Variants in HOGA1 observed in about 807,000 individuals in gnomAD.
The protein encoded by HOGA1 is 4-hydroxy-2-oxoglutarate aldolase, mitochondrial.
Under a neutral mutation model 34.3 loss-of-function variants are expected in HOGA1, and 30 were observed. The observed-to-expected ratio is 0.87, with a 90% confidence interval of 0.65 to 1.19. The LOEUF is 1.19. Among genes scored for constraint, HOGA1 ranks in the 50% most tolerant of loss-of-function variants. The probability of loss-of-function intolerance (pLI) is 0.00; values close to 1 mark genes in which losing one functional copy is unlikely to be tolerated. For synonymous variants in HOGA1, 161 were observed against 174.0 expected (o/e 0.93, Z 0.59); for missense variants, 417 against 436.5 (o/e 0.96, Z 0.40).
intron 1 of HOGA1, among the ~76,000 whole-genome samples, chr10:97,591,834 T>TGTGTGTGC (rs752668058): frequency 0.012 from 1,759 of 147,714 alleles, 22 homozygotes; most frequent in Non-Finnish European, 0.02. Flanking sequence ...TGTGTGTGTG[T>TGTGTGTGC]GTGTGTGTGT....
chr10:97,596,708 C>CA (rs34186645), intron 1 of HOGA1, among the ~76,000 whole-genome samples: 10,752 of 89,228 alleles, frequency 0.12, 851 homozygotes, highest in African/African-American at 0.27. Context: ...AAATAACTAC[C>CA]AAAAAAAAAA....
In HOGA1 at chr10:97,599,709, G is replaced by A. The variant is rs781112795; in HGVS notation, c.498G>A (p.Val166=). Residue 166 remains valine, a synonymous_variant, in exon 4 of 7, where the codon GTG becomes GTA. Coordinates refer to ENST00000370646, the MANE Select transcript of HOGA1 (RefSeq NM_138413.4). ...CTGATCTCTCTCCAATCCCTGTGGT[G>A]CTGTACAGTGTCCCAGCCAACACAG... ...KVADLSPIPV[V]LYSVPANTGL... The A allele has an allele frequency of 9.3e-6, 15 of 1,614,142 alleles. No individual in the cohort carries two copies. The highest frequency in any genetic ancestry group is 1.3e-5 in the Non-Finnish European group (15 of 1,180,018).
intron 6 of HOGA1, chr10:97,602,460 G>A (rs2275048): frequency 2.0e-6 from 2 of 985,148 alleles, no homozygotes; most frequent in African/African-American, 3.5e-5. Context: ...CGGTTCTGTG[G>A]TCAGACTGTA....
chr10:97,599,228 G>C lies in HOGA1; in HGVS notation c.468+12G>C. ...ACCACTACACCAAGGTGTGTGTGAGGCCTGAGACCAAGAGGAGGCTCTGCC... is the reference window on the plus strand; with the variant it reads ...ACCACTACACCAAGGTGTGTGTGAGCCCTGAGACCAAGAGGAGGCTCTGCC... On this transcript the variant is annotated intron_variant, in intron 3 of 6. Transcript: ENST00000370646. 1 of 1,613,936 alleles carries C rather than the reference G, an allele frequency of 6.2e-7. No homozygotes were observed. Among genetic ancestry groups the C allele is most frequent in the Non-Finnish European group, 8.5e-7 (1 of 1,179,986 alleles).
chr10:97,591,136 C>T (rs1181539915), intron 1 of HOGA1, among the ~76,000 whole-genome samples: 1 of 152,092 alleles, frequency 6.6e-6, no homozygotes, highest in Non-Finnish European at 1.5e-5. Context: ...CGTCTCAACA[C>T]CCCCAATCTG....
At chr10:97,595,643 C>T (rs572385241) in intron 1 of HOGA1, among the ~76,000 whole-genome samples, 6 of 152,262 alleles carry the variant, frequency 3.9e-5, no homozygotes, top group Non-Finnish European at 5.9e-5. Flanking sequence ...TGCAGTGAGC[C>T]GAGGTCGCAC....
intron 6 of HOGA1, chr10:97,602,458 TG>T: frequency 2.0e-6 from 2 of 985,366 alleles, no homozygotes; most frequent in Non-Finnish European, 2.4e-6. Context: ...ATCGGTTCTG[TG>T]GTCAGACTGT....
chr10:97,599,239 A>G (rs551813153), intron 3 of HOGA1, 23 bp downstream of exon 3: 4 of 1,613,810 alleles, frequency 2.5e-6, no homozygotes, highest in Admixed American at 3.3e-5. Flanking sequence ...CCTGAGACCA[A>G]GAGGAGGCTC....
intron 6 of HOGA1, among the ~76,000 whole-genome samples, chr10:97,605,421 A>AG (rs1432925402): frequency 6.6e-6 from 1 of 151,650 alleles, no homozygotes; most frequent in East Asian, 1.9e-4. Flanking sequence ...AAAAAAAAAA[A>AG]ACAAAAAACC....
intron 1 of HOGA1, chr10:97,589,779 G>A: frequency 1.3e-6 from 1 of 743,612 alleles, no homozygotes. Context: ...AGATCACCCA[G>A]CGTGCTCTTA....
intron 6 of HOGA1, among the ~76,000 whole-genome samples, chr10:97,605,024 G>T (rs1210656077): frequency 1.3e-5 from 2 of 151,860 alleles, no homozygotes; most frequent in Admixed American, 6.6e-5. Context: ...TCATGAACAG[G>T]TTTTCGTGTG....
chr10:97,596,026 G>T (rs2041068580), intron 1 of HOGA1, among the ~76,000 whole-genome samples: 2 of 152,218 alleles, frequency 1.3e-5, no homozygotes, highest in African/African-American at 4.8e-5. Flanking sequence ...GGATTGAAAT[G>T]ATTTCACTGT....
chr10:97,590,330 A>G (rs1310678096), intron 1 of HOGA1: 3 of 1,613,936 alleles, frequency 1.9e-6, no homozygotes, highest in South Asian at 1.1e-5. Context: ...GGCTCACTCC[A>G]TGCTGCAGCG....
In HOGA1 at chr10:97,601,962, A is replaced by T; in HGVS notation, c.806A>T (p.Gln269Leu). The change falls in exon 6 of 7, where the codon CAG (glutamine) becomes CTG (leucine). Residue 269 changes from glutamine (Q) to leucine (L), a missense_variant. Physicochemically the swap from Gln to Leu is moderately radical, Grantham distance 113. Transcript: ENST00000370646. ...CAATGGGAAGATGCCCAGAAACTGC[A>T]GCACCGCCTCATTGAGCCAAACGCT... ...TGQWEDAQKLQHRLIEPNAAV... is the reference protein window; with the variant it reads ...TGQWEDAQKLLHRLIEPNAAV... The T allele has an allele frequency of 6.2e-7, 1 of 1,612,944 alleles. No homozygotes were observed. Among genetic ancestry groups the T allele is most frequent in the Non-Finnish European group, 8.5e-7 (1 of 1,179,758 alleles).
chr10:97,608,009 T>C lies in HOGA1; in HGVS notation c.835-3501T>C, dbSNP rs12415495. On this transcript the variant is annotated intron_variant, in intron 6 of 6. Transcript: ENST00000370646. ...TCCAAGTCTACTTCTAGAGAAAGAA[T>C]AACCGCTAAAAAGACACCAGCAGGG... Among the ~76,000 whole-genome samples the C allele has an allele frequency of 5.8e-3, 886 of 152,322 alleles. 15 individuals are homozygous for C. Among genetic ancestry groups the C allele is most frequent in the East Asian group, 0.055 (286 of 5,180 alleles).
rs185803104 is a variant in HOGA1 at position 97,600,168 on chromosome 10, G to T, written c.700+5G>T. 2.3e-3 allele frequency: 3,650 copies of T among 1,611,160 alleles called. 4 individuals carry two copies. Among genetic ancestry groups the T allele is most frequent in the Non-Finnish European group, 2.9e-3 (3,368 of 1,177,320 alleles). On this transcript the variant is annotated splice_donor_5th_base_variant and intron_variant, in intron 5 of 6. Coordinates refer to ENST00000370646, the MANE Select transcript of HOGA1 (RefSeq NM_138413.4). ...TGATGGCCAGCTATGCCTTGGGTAGGCCGCCCACTGCTCTCAAATTGTCAT... is the reference window on the plus strand; with the variant it reads ...TGATGGCCAGCTATGCCTTGGGTAGTCCGCCCACTGCTCTCAAATTGTCAT...
rs771334502 is a variant in HOGA1, at chr10:97,600,132, G to A, written c.669G>A (p.Ser223=). The A allele has an allele frequency of 3.1e-5, 50 of 1,613,976 alleles. No homozygotes were observed. Among genetic ancestry groups the A allele is most frequent in the Non-Finnish European group, 3.7e-5 (44 of 1,180,028 alleles). ...AGGATTTTCAGGTGTTGGCTGGATC[G>A]GCTGGCTTTCTGATGGCCAGCTATG... The part of the protein sequence containing the change: ...RKQDFQVLAG[S]AGFLMASYAL... The change falls in exon 5 of 7, where the codon TCG becomes TCA. Residue 223 remains serine (S), a synonymous_variant. Transcript: ENST00000370646.
chr10:97,589,848 C>T (rs1179910783), intron 1 of HOGA1: 2 of 1,437,280 alleles, frequency 1.4e-6, no homozygotes, highest in Admixed American at 1.8e-5. Context: ...CAGCAGCCAT[C>T]ATGCAAGGTG....
In HOGA1 at chr10:97,611,555, T is replaced by A. The variant is rs1177247687; in HGVS notation, c.880T>A (p.Trp294Arg). 3 of 1,614,104 alleles carry A rather than the reference T, an allele frequency of 1.9e-6. No individual in the cohort carries two copies. The highest frequency in any genetic ancestry group is 1.7e-5 in the Admixed American group (1 of 60,008). Residue 294 changes from tryptophan to arginine, a missense_variant, in exon 7 of 7, where the codon TGG becomes AGG. By Grantham distance (101) the Trp-to-Arg change is moderately radical. Coordinates refer to ENST00000370646, the MANE Select transcript of HOGA1 (RefSeq NM_138413.4). ...CCCAGGGCTGAAGAAAATCATGGAC[T>A]GGTTTGGCTACTATGGAGGCCCCTG... ...GIPGLKKIMD[W>R]FGYYGGPCRA...
Sources: allele counts gnomAD v4.1 joint callset (sites outside exome capture counted in the v4.1 genomes callset), GRCh38; gene constraint gnomAD v4.1.1; transcripts MANE v1.5; gene names NCBI Gene and HGNC (gene_info 2026-07-23, HGNC 2026-07-21).